MYO18B: variants seen among roughly 807,000 people sequenced by gnomAD.
MYO18B encodes the protein myosin XVIIIB.
MYO18B carries 204 observed loss-of-function variants against 273.0 expected under a neutral mutation model. The observed-to-expected ratio is 0.75, with a 90% CI of 0.67 to 0.84. MYO18B has a LOEUF of 0.84. MYO18B is among the 40% of genes least tolerant of loss of function. The probability of loss-of-function intolerance (pLI) is 0.00; values close to 1 mark genes in which losing one functional copy is unlikely to be tolerated. For missense variants in MYO18B, 3,212 were observed against 3,287.6 expected, an observed-to-expected ratio of 0.98 and a Z score of 0.56; for synonymous variants, 1,330 against 1,305.7, an observed-to-expected ratio of 1.02 and a Z score of -0.40.
At chr22:25,879,641 C>T (rs2091286813) in intron 25 of MYO18B, among the ~76,000 whole-genome samples, 1 of 152,118 alleles carries the variant, frequency 6.6e-6, no homozygotes, top group South Asian at 2.1e-4. Context: ...CCAAGAAGGT[C>T]ACTGCAAATT....
At chr22:25,796,087 T>C (rs1252008118) in intron 11 of MYO18B, among the ~76,000 whole-genome samples, 1 of 152,196 alleles carries the variant, frequency 6.6e-6, no homozygotes, top group East Asian at 1.9e-4. Flanking sequence ...TGGTGGATTA[T>C]TGACAAAAGA....
chr22:25,999,576 C>CCCT (rs1266233463), intron 40 of MYO18B, among the ~76,000 whole-genome samples: 1 of 112,818 alleles, frequency 8.9e-6, no homozygotes, highest in Non-Finnish European at 1.8e-5. Flanking sequence ...CTCCTCTTCC[C>CCCT]CCTCCTCCTC....
chr22:25,885,752 G>A lies in MYO18B; in HGVS notation c.4315-5004G>A, dbSNP rs2091478878. On this transcript the variant is annotated intron_variant, in intron 25 of 43. Transcript: ENST00000335473. ...GATCTTAGGATTATTTCCTCTTTGT[G>A]CTGAAACACTTGGGGGGCCCTAATG... Among the ~76,000 whole-genome samples the A allele has an allele frequency of 2.0e-5, 3 of 152,148 alleles. 1 individual carries two copies. Among genetic ancestry groups the A allele is most frequent in the Admixed American group, 2.0e-4 (3 of 15,278 alleles).
rs140281939 is a variant in MYO18B at position 26,027,647 on chromosome 22, C to T, written c.7673C>T (p.Ala2558Val). The change falls in exon 43 of 44, where the codon GCG (alanine) becomes GTG (valine). Residue 2558 changes from alanine (A) to valine (V), a missense_variant. Ala to Val is a moderately conservative substitution (Grantham distance 64). Transcript: ENST00000335473. The surrounding 1 kb of genome is among the most constrained non-coding windows in gnomAD (Gnocchi z 4.1). Reference sequence around the variant, plus strand: ...ACGGGGAGGAAAGACGACGATGTTGCGAGCATAATGAAGAAATACCTCCAG... The same window carrying T: ...ACGGGGAGGAAAGACGACGATGTTGTGAGCATAATGAAGAAATACCTCCAG... ...PGTGRKDDDVASIMKKYLQK is the reference protein window; with the variant it reads ...PGTGRKDDDVVSIMKKYLQK 17 of 1,613,138 alleles carry T rather than the reference C, an allele frequency of 1.1e-5. No homozygotes were observed. Among genetic ancestry groups the T allele is most frequent in the Admixed American group, 1.7e-5 (1 of 59,948 alleles).
chr22:26,042,266 A>G, the MYO18B span, among the ~76,000 whole-genome samples: 1 of 152,202 alleles, frequency 6.6e-6, no homozygotes, highest in South Asian at 2.1e-4. Flanking sequence ...GGAGACAATG[A>G]TCCCTGCCAG....
intron 11 of MYO18B, among the ~76,000 whole-genome samples, chr22:25,792,904 A>G (rs2145730410): frequency 6.6e-6 from 1 of 152,320 alleles, no homozygotes; most frequent in Middle Eastern, 3.4e-3. Context: ...ACCCCTGCCC[A>G]ATGTCTCCCA....
intron 11 of MYO18B, among the ~76,000 whole-genome samples, chr22:25,787,799 C>T (rs1436646043): frequency 6.6e-6 from 1 of 152,078 alleles, no homozygotes; most frequent in African/African-American, 2.4e-5. Context: ...ACCCTTTACC[C>T]CGTGATCTGG....
Position 25,955,306 on chromosome 22 carries a change from C to T in MYO18B, c.6098C>T (p.Ala2033Val), listed in dbSNP as rs2092836854. The T allele has an allele frequency of 6.2e-7, 1 of 1,613,684 alleles. No homozygotes were observed. The highest frequency in any genetic ancestry group is 1.7e-5 in the Admixed American group (1 of 59,994). ...YYQRRLEELK[A>V]DMEELVQREA... ...CAGCGGCGCCTGGAAGAGCTGAAGG[C>T]CGACATGGAAGAGCTGGTGCAGCGG... Residue 2033 changes from alanine (A) to valine (V), a missense_variant, in exon 39 of 44, where the codon GCC (alanine) becomes GTC (valine). Ala to Val is a moderately conservative substitution (Grantham distance 64, BLOSUM62 0). Transcript: ENST00000335473.
At chr22:25,823,917 G>A (rs1419412300) in intron 13 of MYO18B, among the ~76,000 whole-genome samples, 2 of 152,174 alleles carry the variant, frequency 1.3e-5, no homozygotes, top group African/African-American at 4.8e-5. Context: ...GGAGCCCCGC[G>A]CTGTGGGGAG....
chr22:25,761,654 A>G (rs970152432), intron 2 of MYO18B, among the ~76,000 whole-genome samples: 1 of 152,120 alleles, frequency 6.6e-6, no homozygotes, highest in Admixed American at 6.5e-5. Flanking sequence ...TCTTTCTAAG[A>G]TGCCTGTTAC....
chr22:26,041,185 AG>A, the MYO18B span, among the ~76,000 whole-genome samples: 1 of 151,756 alleles, frequency 6.6e-6, no homozygotes, highest in African/African-American at 2.4e-5. Flanking sequence ...CATTAGTGTT[AG>A]GGTATTTTAT....
At chr22:25,855,496 G>A (rs982817640) in intron 21 of MYO18B, among the ~76,000 whole-genome samples, 1 of 152,040 alleles carries the variant, frequency 6.6e-6, no homozygotes, top group South Asian at 2.1e-4. Context: ...TGTTAGCCAG[G>A]ATGATCTCGA....
chr22:25,980,786 T>A (rs994438119), intron 39 of MYO18B, among the ~76,000 whole-genome samples: 4 of 152,192 alleles, frequency 2.6e-5, no homozygotes, highest in African/African-American at 9.6e-5. Flanking sequence ...ATTAGTTTTT[T>A]AGGGGAGGTA....
chr22:26,047,578 G>A, the MYO18B span, among the ~76,000 whole-genome samples: 3 of 152,114 alleles, frequency 2.0e-5, no homozygotes, highest in Non-Finnish European at 2.9e-5. Flanking sequence ...CAATAAGATA[G>A]CCACTAGCCA....
chr22:26,023,030 C>T (rs1460304924), intron 42 of MYO18B, among the ~76,000 whole-genome samples: 2 of 152,370 alleles, frequency 1.3e-5, no homozygotes, highest in Admixed American at 1.3e-4. Flanking sequence ...TTTGTTAAAG[C>T]CAAGATGGCA....
intron 21 of MYO18B, among the ~76,000 whole-genome samples, chr22:25,866,325 C>G (rs2090885358): frequency 6.6e-6 from 1 of 152,198 alleles, no homozygotes; most frequent in Non-Finnish European, 1.5e-5. Flanking sequence ...CTGGGTTTAT[C>G]TGAGAGTCCA....
Position 25,769,322 on chromosome 22 carries a change from C to CTGG in MYO18B, c.1408_1409insGTG (p.Pro469_Ala470insGly). ...ACAGAGCTGGAAGGACCCAGCCAGC[C>CTGG]TGCTCTGGAGAAGGATGCAGAAAGG... On this transcript the variant is annotated inframe_insertion, in exon 4 of 44. Coordinates refer to ENST00000335473, the MANE Select transcript of MYO18B (RefSeq NM_032608.7). 2 of 1,578,790 alleles carry CTGG rather than the reference C, an allele frequency of 1.3e-6. No individual in the cohort carries two copies.
intron 13 of MYO18B, among the ~76,000 whole-genome samples, chr22:25,825,408 T>C (rs1354969239): frequency 6.6e-6 from 1 of 152,194 alleles, no homozygotes; most frequent in East Asian, 1.9e-4. Flanking sequence ...AACTGTGTTT[T>C]CAATTTTTTA....
At chr22:25,965,429 GA>G (rs1419141497) in intron 39 of MYO18B, among the ~76,000 whole-genome samples, 6 of 152,142 alleles carry the variant, frequency 3.9e-5, no homozygotes, top group African/African-American at 1.4e-4. Context: ...AGACCACCAG[GA>G]AAAAAGATCG....
Sources: gnomAD v4.1 joint callset for allele counts (sites outside exome capture counted in the v4.1 genomes callset) on GRCh38, gnomAD v4.1.1 for gene constraint, Gnocchi (gnomAD v3.1) non-coding constraint, MANE v1.5 for transcripts, NCBI Gene and HGNC (gene_info 2026-07-23, HGNC 2026-07-21) for gene names.